The following PKIB variants were observed in gnomAD, a reference collection of about 807,000 sequenced individuals.
The protein encoded by PKIB is cAMP-dependent protein kinase inhibitor beta, also known as PKI-beta.
PKIB carries 2 observed loss-of-function variants against 4.5 expected under a neutral mutation model. The observed-to-expected ratio is 0.44, with a 90% confidence interval of 0.18 to 1.39. PKIB has a LOEUF of 1.39. Among genes scored for constraint, PKIB ranks in the 40% most tolerant of loss-of-function variants. The pLI is 0.27. For missense variants in PKIB, 94 were observed against 92.6 expected, an observed-to-expected ratio of 1.02 and a Z score of -0.06; for synonymous variants, 38 against 36.0, an observed-to-expected ratio of 1.06 and a Z score of -0.20.
intron 2 of PKIB, among the ~76,000 whole-genome samples, chr6:122,533,992 A>G (rs1582681536): frequency 6.6e-6 from 1 of 151,708 alleles, no homozygotes; most frequent in Non-Finnish European, 1.5e-5. Context: ...GGAAACTTCT[A>G]CCCACTTACC....
At chr6:122,615,568 A>G (rs942338279) in intron 1 of PKIB, among the ~76,000 whole-genome samples, 1 of 152,174 alleles carries the variant, frequency 6.6e-6, no homozygotes, top group African/African-American at 2.4e-5. Flanking sequence ...TCTCCCCAAA[A>G]TTCACGTCCT....
At chr6:122,522,324 G>A (rs764524248) in intron 2 of PKIB, among the ~76,000 whole-genome samples, 37 of 152,102 alleles carry the variant, frequency 2.4e-4, no homozygotes, top group Non-Finnish European at 3.2e-4. Flanking sequence ...GGGCTCTGTC[G>A]GGGTGGGATC....
intron 2 of PKIB, chr6:122,484,186 A>C (rs947226728): frequency 1.3e-5 from 2 of 152,006 alleles, no homozygotes; most frequent in African/African-American, 4.8e-5. Context: ...AAAGGAAAAA[A>C]GAAAAAAAAA....
At chr6:122,585,992 A>G (rs1029940912) in exon 3 of PKIB, 4 of 152,164 alleles carry the variant, frequency 2.6e-5, no homozygotes, top group Non-Finnish European at 5.9e-5. Flanking sequence ...TTGGACATAC[A>G]TACTTCCTAT....
chr6:122,644,538 A>G (rs1004677297), intron 2 of PKIB: 8 of 152,154 alleles, frequency 5.3e-5, no homozygotes, highest in African/African-American at 1.4e-4. Flanking sequence ...TGTAAATGGT[A>G]TTAATATTAG....
intron 2 of PKIB, among the ~76,000 whole-genome samples, chr6:122,574,029 A>C (rs1298266620): frequency 1.3e-5 from 2 of 152,098 alleles, no homozygotes; most frequent in East Asian, 3.9e-4. Flanking sequence ...AACCCCAAAG[A>C]CCCATCCAAA....
intron 3 of PKIB, among the ~76,000 whole-genome samples, chr6:122,709,807 G>A (rs1015584319): frequency 6.6e-6 from 1 of 152,102 alleles, no homozygotes; most frequent in Non-Finnish European, 1.5e-5. Context: ...AAGTGTCCAT[G>A]TGTATAACCA....
At chr6:122,528,344 C>T (rs1777156567) in intron 2 of PKIB, among the ~76,000 whole-genome samples, 2 of 152,142 alleles carry the variant, frequency 1.3e-5, no homozygotes, top group Admixed American at 1.3e-4. Flanking sequence ...TCCATTCAGT[C>T]AATCTCTGTT....
chr6:122,651,369 T>C (rs1776546369), intron 2 of PKIB, among the ~76,000 whole-genome samples: 1 of 152,140 alleles, frequency 6.6e-6, no homozygotes, highest in Non-Finnish European at 1.5e-5. Context: ...TGCTGGTACT[T>C]GAGTCTTGTT....
intron 2 of PKIB, among the ~76,000 whole-genome samples, chr6:122,667,169 T>A (rs1327155569): frequency 6.6e-6 from 1 of 152,118 alleles, no homozygotes. Context: ...AATACTGGGG[T>A]TAGACTTAAC....
At chr6:122,659,621 C>A (rs1297060741) in intron 2 of PKIB, among the ~76,000 whole-genome samples, 3 of 152,106 alleles carry the variant, frequency 2.0e-5, no homozygotes, top group East Asian at 1.9e-4. Context: ...GGAAAGACAT[C>A]TTCTTAACTA....
At chr6:122,542,144 C>T (rs1777625291) in intron 2 of PKIB, among the ~76,000 whole-genome samples, 1 of 151,978 alleles carries the variant, frequency 6.6e-6, no homozygotes, top group Non-Finnish European at 1.5e-5. Flanking sequence ...TCCTGTAGCT[C>T]AGAGTAGTTT....
chr6:122,569,108 T>C (rs1373872680), intron 2 of PKIB, among the ~76,000 whole-genome samples: 1 of 152,198 alleles, frequency 6.6e-6, no homozygotes, highest in East Asian at 1.9e-4. Context: ...TCATAGGGCC[T>C]GTGGCTAGCC....
intron 3 of PKIB, among the ~76,000 whole-genome samples, chr6:122,691,437 A>G (rs1307182067): frequency 6.6e-6 from 1 of 152,038 alleles, no homozygotes; most frequent in Non-Finnish European, 1.5e-5. Context: ...AAGGTCACTA[A>G]TTCTTTCTCT....
chr6:122,539,394 A>G (rs1341517553), intron 2 of PKIB, among the ~76,000 whole-genome samples: 7 of 151,936 alleles, frequency 4.6e-5, no homozygotes, highest in African/African-American at 1.7e-4. Context: ...AGCATGAAGC[A>G]TTGTTGCATT....
chr6:122,537,895 T>G (rs1012562860), intron 2 of PKIB, among the ~76,000 whole-genome samples: 2 of 151,934 alleles, frequency 1.3e-5, no homozygotes, highest in Admixed American at 6.6e-5. Context: ...TGGTATCTCA[T>G]TATGGTTTTG....
At chr6:122,695,039 G>GA (rs749531077) in intron 3 of PKIB, among the ~76,000 whole-genome samples, 33 of 152,166 alleles carry the variant, frequency 2.2e-4, no homozygotes, top group Non-Finnish European at 4.3e-4. Flanking sequence ...TTTGTAACCA[G>GA]AAAATACCCT....
intron 2 of PKIB, among the ~76,000 whole-genome samples, chr6:122,562,548 G>A (rs2114675837): frequency 1.3e-5 from 2 of 152,308 alleles, no homozygotes; most frequent in African/African-American, 4.8e-5. Flanking sequence ...CCCCAAATAT[G>A]TTTTCCAAGC....
At chr6:122,691,174 A>T (rs538058986) in intron 3 of PKIB, among the ~76,000 whole-genome samples, 2 of 152,014 alleles carry the variant, frequency 1.3e-5, no homozygotes, top group South Asian at 2.1e-4. Flanking sequence ...GTCTCCTTTC[A>T]GTTAAATATT....
Sources: allele counts gnomAD v4.1 joint callset (sites outside exome capture counted in the v4.1 genomes callset), GRCh38; gene constraint gnomAD v4.1.1; transcripts MANE v1.5; gene names NCBI Gene and HGNC (gene_info 2026-07-23, HGNC 2026-07-21).